The following CFAP96 variants were observed in gnomAD, a reference collection of about 807,000 sequenced individuals.
The protein encoded by CFAP96 is cilia and flagella associated protein 96.
the CFAP96 span, among the ~76,000 whole-genome samples, chr4:185,425,200 G>T: frequency 5.3e-5 from 8 of 152,156 alleles, no homozygotes; most frequent in Non-Finnish European, 8.8e-5. Flanking sequence ...GTTTTGGGCA[G>T]GCACAACAGG....
At chr4:185,418,378 A>G in the CFAP96 span, 1 of 1,238,010 alleles carries the variant, frequency 8.1e-7, no homozygotes, top group African/African-American at 1.5e-5. Context: ...CTAAGATTGC[A>G]CTCAGTTCCA....
chr4:185,417,960 C>G, the CFAP96 span, among the ~76,000 whole-genome samples: 2 of 151,794 alleles, frequency 1.3e-5, no homozygotes, highest in Non-Finnish European at 2.9e-5. Flanking sequence ...AGGAGAATCA[C>G]TTGAACCCGG....
At chr4:185,435,157 C>T in the CFAP96 span, among the ~76,000 whole-genome samples, 1 of 152,120 alleles carries the variant, frequency 6.6e-6, no homozygotes, top group African/African-American at 2.4e-5. Flanking sequence ...CTGCATTATC[C>T]CTGCTCTATT....
chr4:185,426,514 T>C, the CFAP96 span: 1 of 152,656 alleles, frequency 6.6e-6, no homozygotes, highest in Non-Finnish European at 1.5e-5. Flanking sequence ...CTGCCCCTTC[T>C]TCACCTCTCC....
At chr4:185,443,317 TATG>T in the CFAP96 span, among the ~76,000 whole-genome samples, 4 of 49,298 alleles carry the variant, frequency 8.1e-5, no homozygotes, top group African/African-American at 1.9e-4. Context: ...TATTATTTTT[TATG>T]TATATATATA....
At chr4:185,421,325 T>TAGG in the CFAP96 span, among the ~76,000 whole-genome samples, 1 of 152,180 alleles carries the variant, frequency 6.6e-6, no homozygotes, top group African/African-American at 2.4e-5. Context: ...TGGTATCTGA[T>TAGG]ATAGTTTTGA....
chr4:185,429,406 G>T, the CFAP96 span: 1 of 1,520,106 alleles, frequency 6.6e-7, no homozygotes, highest in Non-Finnish European at 8.8e-7. Context: ...ACCACCAGAC[G>T]CCACCATGCC....
At chr4:185,422,490 G>A in the CFAP96 span, 10 of 1,608,710 alleles carry the variant, frequency 6.2e-6, no homozygotes, top group Non-Finnish European at 8.5e-6. Context: ...CCTACCATTA[G>A]GAGTAGCTAG....
the CFAP96 span, chr4:185,408,576 G>T: frequency 1.1e-6 from 1 of 871,208 alleles, no homozygotes; most frequent in Non-Finnish European, 1.7e-6. Context: ...ACAGATCTAT[G>T]GTTTAACATT....
chr4:185,436,001 C>T, the CFAP96 span: 1 of 1,420,342 alleles, frequency 7.0e-7, no homozygotes, highest in Admixed American at 2.9e-5. Flanking sequence ...TAAACTTTGC[C>T]ATTTTAACCT....
the CFAP96 span, among the ~76,000 whole-genome samples, chr4:185,439,792 A>T: frequency 1.2e-5 from 1 of 84,322 alleles, no homozygotes; most frequent in Non-Finnish European, 2.6e-5. Context: ...ATATATATGT[A>T]TATGTAAGAT....
At chr4:185,445,818 C>T in the CFAP96 span, among the ~76,000 whole-genome samples, 1 of 152,232 alleles carries the variant, frequency 6.6e-6, no homozygotes, top group Middle Eastern at 3.4e-3. Flanking sequence ...AAAAATAAAA[C>T]TGCCCTTTAT....
the CFAP96 span, among the ~76,000 whole-genome samples, chr4:185,437,291 C>T: frequency 6.6e-6 from 1 of 152,176 alleles, no homozygotes; most frequent in African/African-American, 2.4e-5. Context: ...TGTAATGAGA[C>T]CTGTTCACTT....
chr4:185,436,114 C>G, the CFAP96 span: 2 of 1,551,076 alleles, frequency 1.3e-6, no homozygotes, highest in South Asian at 2.4e-5. Context: ...CAGTCAAAAC[C>G]TCGAGAAAAA....
the CFAP96 span, chr4:185,445,082 G>A: frequency 1.3e-6 from 2 of 1,551,542 alleles, no homozygotes; most frequent in Non-Finnish European, 1.7e-6. Flanking sequence ...CCACCAAGTG[G>A]ACCAAAAAGC....
the CFAP96 span, among the ~76,000 whole-genome samples, chr4:185,444,223 G>GA: frequency 6.6e-6 from 1 of 151,898 alleles, no homozygotes; most frequent in Non-Finnish European, 1.5e-5. Flanking sequence ...AAAGTGCTGG[G>GA]ATTACAGGCG....
At chr4:185,429,851 A>AG in the CFAP96 span, among the ~76,000 whole-genome samples, 7 of 148,766 alleles carry the variant, frequency 4.7e-5, no homozygotes, top group South Asian at 6.3e-4. Flanking sequence ...TTTGTGGAGT[A>AG]GGGCGGGGGA....
the CFAP96 span, among the ~76,000 whole-genome samples, chr4:185,429,991 A>C: frequency 6.6e-6 from 1 of 152,174 alleles, no homozygotes; most frequent in Non-Finnish European, 1.5e-5. Flanking sequence ...TTTTATGAGA[A>C]TAGGAATCTC....
At chr4:185,411,108 C>A in the CFAP96 span, among the ~76,000 whole-genome samples, 3 of 141,674 alleles carry the variant, frequency 2.1e-5, no homozygotes, top group Non-Finnish European at 3.1e-5. Flanking sequence ...AGGGGGCCAA[C>A]AAAGCCAAAA....
Sources: allele counts gnomAD v4.1 joint callset (sites outside exome capture counted in the v4.1 genomes callset), GRCh38; gene constraint gnomAD v4.1.1; transcripts MANE v1.5; gene names NCBI Gene and HGNC (gene_info 2026-07-23, HGNC 2026-07-21).